Variants in RBFOX1 observed in about 807,000 individuals in gnomAD.
RBFOX1 encodes the protein RNA binding protein fox-1 homolog 1.
RBFOX1 carries 8 observed loss-of-function variants against 57.7 expected under a neutral mutation model. That is an observed-to-expected ratio of 0.14 (90% confidence interval 0.08 to 0.25). The LOEUF (loss-of-function observed/expected upper bound fraction) is 0.25, where lower values mean the gene tolerates loss of function less well. Among genes scored for constraint, RBFOX1 ranks in the 10% least tolerant of loss-of-function variants. The probability of loss-of-function intolerance (pLI) is 1.00; values close to 1 mark genes in which losing one functional copy is unlikely to be tolerated. For missense variants in RBFOX1, 611 were observed against 548.5 expected (o/e 1.11, Z -1.14); for synonymous variants, 326 against 222.4 (o/e 1.47, Z -4.15).
At chr16:7,020,093 T>C (rs1328036492) in intron 3 of RBFOX1, among the ~76,000 whole-genome samples, 2 of 152,094 alleles carry the variant, frequency 1.3e-5, no homozygotes, top group Non-Finnish European at 2.9e-5. Context: ...CCCACTTCCA[T>C]TGTCAAGGTA....
At chr16:6,249,203 C>T (rs1341841102) in intron 1 of RBFOX1, among the ~76,000 whole-genome samples, 1 of 152,030 alleles carries the variant, frequency 6.6e-6, no homozygotes, top group Non-Finnish European at 1.5e-5. Context: ...ATGGGACCAA[C>T]ACACCAATGG....
intron 2 of RBFOX1, among the ~76,000 whole-genome samples, chr16:6,584,585 T>C (rs1169618756): frequency 6.6e-6 from 1 of 151,882 alleles, no homozygotes; most frequent in Non-Finnish European, 1.5e-5. Context: ...ACCAGGCTGG[T>C]CTCAAACTCC....
chr16:7,447,308 C>T (rs1024908149), intron 4 of RBFOX1, among the ~76,000 whole-genome samples: 1 of 151,706 alleles, frequency 6.6e-6, no homozygotes, highest in African/African-American at 2.4e-5. Flanking sequence ...TGGCACACAC[C>T]TGTTATCCTA....
chr16:6,725,342 C>G (rs553691574), intron 3 of RBFOX1, among the ~76,000 whole-genome samples: 12 of 151,810 alleles, frequency 7.9e-5, no homozygotes, highest in South Asian at 2.1e-4. Context: ...TGAGCCACCG[C>G]GCCCGGCCGG....
intron 4 of RBFOX1, among the ~76,000 whole-genome samples, chr16:7,391,155 G>A (rs1047304886): frequency 2.0e-5 from 3 of 152,184 alleles, no homozygotes; most frequent in African/African-American, 4.8e-5. Context: ...TAGATAGGCA[G>A]CATGTCCAGA....
chr16:5,441,893 TCTC>T (rs1322509880), intron 1 of RBFOX1, among the ~76,000 whole-genome samples: 10 of 152,116 alleles, frequency 6.6e-5, no homozygotes, highest in African/African-American at 2.4e-4. Flanking sequence ...GATTCAGTAA[TCTC>T]CACTTGTTCT....
At chr16:5,848,305 A>G (rs1005674051) in intron 3 of RBFOX1, among the ~76,000 whole-genome samples, 1 of 152,208 alleles carries the variant, frequency 6.6e-6, no homozygotes, top group South Asian at 2.1e-4. Flanking sequence ...TCTATCCCCT[A>G]TATGGAAACC....
intron 2 of RBFOX1, among the ~76,000 whole-genome samples, chr16:5,554,391 A>G (rs2045590217): frequency 1.3e-5 from 2 of 152,236 alleles, no homozygotes; most frequent in Non-Finnish European, 2.9e-5. Flanking sequence ...TGTTTTAAAA[A>G]TAAAAAAATT....
chr16:5,731,633 A>G (rs970793652), intron 3 of RBFOX1, among the ~76,000 whole-genome samples: 1 of 152,202 alleles, frequency 6.6e-6, no homozygotes, highest in Non-Finnish European at 1.5e-5. Flanking sequence ...CTTAGAGGCA[A>G]GGTGATATTT....
chr16:6,718,354 G>A (rs993383059), intron 3 of RBFOX1, among the ~76,000 whole-genome samples: 1 of 152,182 alleles, frequency 6.6e-6, no homozygotes, highest in Non-Finnish European at 1.5e-5. Flanking sequence ...TTTAGTGGGA[G>A]AGATAGATGA....
intron 2 of RBFOX1, among the ~76,000 whole-genome samples, chr16:6,500,235 A>C (rs577393633): frequency 1.2e-4 from 18 of 152,300 alleles, no homozygotes; most frequent in Admixed American, 9.8e-4. Flanking sequence ...CCTAATTGGC[A>C]AAATACCTAG....
intron 3 of RBFOX1, among the ~76,000 whole-genome samples, chr16:6,672,632 C>A (rs762507951): frequency 5.3e-5 from 8 of 152,128 alleles, no homozygotes; most frequent in Non-Finnish European, 8.8e-5. Context: ...TTCAGGTACA[C>A]ATGGATCCAG....
chr16:7,532,429 G>A (rs1469035373), intron 5 of RBFOX1, among the ~76,000 whole-genome samples: 5 of 152,140 alleles, frequency 3.3e-5, no homozygotes, highest in African/African-American at 1.2e-4. Flanking sequence ...CATTGGATTT[G>A]GGAATTTTTC....
At chr16:5,737,107 G>T (rs2052605094) in intron 3 of RBFOX1, among the ~76,000 whole-genome samples, 1 of 152,014 alleles carries the variant, frequency 6.6e-6, no homozygotes, top group Non-Finnish European at 1.5e-5. Context: ...TCTGCTTGAG[G>T]TCTAATATGG....
At chr16:7,112,356 C>G (rs1184268949) in intron 4 of RBFOX1, among the ~76,000 whole-genome samples, 1 of 148,286 alleles carries the variant, frequency 6.7e-6, no homozygotes, top group Non-Finnish European at 1.5e-5. Flanking sequence ...GCACATGCCA[C>G]CACACCTGGC....
At chr16:6,009,523 A>G (rs1290702582) in intron 4 of RBFOX1, among the ~76,000 whole-genome samples, 1 of 152,120 alleles carries the variant, frequency 6.6e-6, no homozygotes, top group African/African-American at 2.4e-5. Context: ...TCCCTGCAAA[A>G]TACCTGTAGA....
chr16:6,315,573 A>T (rs937466017), intron 1 of RBFOX1, among the ~76,000 whole-genome samples: 4 of 72,010 alleles, frequency 5.6e-5, no homozygotes, highest in African/African-American at 1.6e-4. Context: ...GGATGGATGG[A>T]TGGATAGATG....
chr16:5,986,616 A>G (rs967224783), intron 4 of RBFOX1, among the ~76,000 whole-genome samples: 4 of 152,204 alleles, frequency 2.6e-5, no homozygotes, highest in African/African-American at 9.7e-5. Context: ...CTAAAATGTT[A>G]TATACATAGA....
chr16:6,414,241 T>C (rs564482845), intron 2 of RBFOX1, among the ~76,000 whole-genome samples: 1 of 152,346 alleles, frequency 6.6e-6, no homozygotes, highest in South Asian at 2.1e-4. Flanking sequence ...TTCTAATATC[T>C]GCCTGAATTG....
Sources: gnomAD v4.1 joint callset for allele counts (sites outside exome capture counted in the v4.1 genomes callset) on GRCh38, gnomAD v4.1.1 for gene constraint, MANE v1.5 for transcripts, NCBI Gene and HGNC (gene_info 2026-07-23, HGNC 2026-07-21) for gene names.